Variants in CDH13 observed in about 807,000 individuals in gnomAD.
CDH13 encodes cadherin 13.
Under a neutral mutation model 63.8 loss-of-function variants are expected in CDH13, and 24 were observed. The ratio of observed to expected loss-of-function variants is 0.38; its 90% confidence interval spans 0.27 to 0.53. The LOEUF (loss-of-function observed/expected upper bound fraction) is 0.53, where lower values mean the gene tolerates loss of function less well. Among genes scored for constraint, CDH13 ranks in the 20% least tolerant of loss-of-function variants. The pLI is 0.85. For synonymous variants in CDH13, 503 were observed against 355.3 expected (o/e 1.42, Z -4.67); for missense variants, 1,049 against 903.1 (o/e 1.16, Z -2.07).
At chr16:83,046,810 C>G (rs1252406941) in intron 3 of CDH13, among the ~76,000 whole-genome samples, 1 of 152,176 alleles carries the variant, frequency 6.6e-6, no homozygotes, top group African/African-American at 2.4e-5. Flanking sequence ...GCCACCCTTC[C>G]TCTCCAACCT....
At chr16:83,446,102 A>G (rs2072680091) in intron 6 of CDH13, among the ~76,000 whole-genome samples, 1 of 152,122 alleles carries the variant, frequency 6.6e-6, no homozygotes, top group Non-Finnish European at 1.5e-5. Flanking sequence ...CAGGAGTTCA[A>G]GACCAGCATG....
chr16:83,287,140 G>T (rs77559112), intron 5 of CDH13, among the ~76,000 whole-genome samples: 2 of 152,198 alleles, frequency 1.3e-5, no homozygotes. Context: ...GCAAATGTCA[G>T]TGGAATGTTC....
intron 7 of CDH13, among the ~76,000 whole-genome samples, chr16:83,564,070 C>G (rs117359776): frequency 8.1e-4 from 123 of 152,254 alleles, no homozygotes; most frequent in South Asian, 1.9e-3. Context: ...TAAATGAGGT[C>G]AAATACGTGA....
intron 8 of CDH13, among the ~76,000 whole-genome samples, chr16:83,657,338 C>A (rs527543293): frequency 6.6e-6 from 1 of 152,246 alleles, no homozygotes; most frequent in East Asian, 1.9e-4. Context: ...AACAAGGTGT[C>A]CCCCATAGAC....
intron 4 of CDH13, among the ~76,000 whole-genome samples, chr16:83,191,204 A>G (rs1358258528): frequency 2.1e-5 from 3 of 144,114 alleles, no homozygotes; most frequent in Non-Finnish European, 4.5e-5. Context: ...GGGAAGGGTC[A>G]TACGAGATAA....
chr16:83,114,843 C>A (rs1034741643), intron 3 of CDH13, among the ~76,000 whole-genome samples: 1 of 152,184 alleles, frequency 6.6e-6, no homozygotes. Flanking sequence ...TGTTTGATTG[C>A]ATACAAAATG....
intron 2 of CDH13, among the ~76,000 whole-genome samples, chr16:83,011,853 CCTTT>C (rs1914193776): frequency 6.6e-6 from 1 of 152,174 alleles, no homozygotes; most frequent in Non-Finnish European, 1.5e-5. Flanking sequence ...GCTGGATCTA[CCTTT>C]CTTTCTTAGA....
intron 1 of CDH13, among the ~76,000 whole-genome samples, chr16:82,693,576 A>T (rs182403234): frequency 7.9e-5 from 12 of 152,228 alleles, no homozygotes; most frequent in Non-Finnish European, 1.6e-4. Flanking sequence ...TAAACCCTGT[A>T]TAAGAACCTC....
chr16:83,758,599 G>C (rs1006475995), intron 11 of CDH13, among the ~76,000 whole-genome samples: 2 of 152,132 alleles, frequency 1.3e-5, no homozygotes, highest in Non-Finnish European at 2.9e-5. Context: ...GGAATTAAAA[G>C]TAAGAAATCT....
chr16:83,564,645 G>A (rs1193969647), intron 7 of CDH13, among the ~76,000 whole-genome samples: 1 of 152,118 alleles, frequency 6.6e-6, no homozygotes, highest in African/African-American at 2.4e-5. Flanking sequence ...CTGACCTCAG[G>A]TGATCCACCT....
rs148181449 is a variant in CDH13 at position 82,694,376 on chromosome 16, A to G, written c.45+67239A>G. ...AACATTTTTTTATGGACTGCTCACTATCACTGCAACATTCAGCACTTTTTT... is the reference window on the plus strand; with the variant it reads ...AACATTTTTTTATGGACTGCTCACTGTCACTGCAACATTCAGCACTTTTTT... On this transcript the variant is annotated intron_variant, in intron 1 of 13. Transcript: ENST00000567109. 2.7e-3 allele frequency among the ~76,000 whole-genome samples: 409 copies of G among 152,326 alleles called. 2 individuals carry two copies. Among genetic ancestry groups the G allele is most frequent in the African/African-American group, 9.4e-3 (391 of 41,586 alleles).
chr16:83,397,143 C>G (rs1410565068), intron 6 of CDH13, among the ~76,000 whole-genome samples: 2 of 152,138 alleles, frequency 1.3e-5, no homozygotes, highest in Non-Finnish European at 2.9e-5. Flanking sequence ...CCGTGGGCAA[C>G]CCCTCCTTCT....
chr16:83,491,263 T>C (rs560633703), intron 7 of CDH13, among the ~76,000 whole-genome samples: 13 of 152,208 alleles, frequency 8.5e-5, no homozygotes, highest in Non-Finnish European at 1.0e-4. Context: ...GCTTAAGTGT[T>C]TGGGGAGATG....
chr16:83,081,028 T>C (rs920277953), intron 3 of CDH13, among the ~76,000 whole-genome samples: 4 of 151,664 alleles, frequency 2.6e-5, no homozygotes, highest in Non-Finnish European at 5.9e-5. Context: ...ACTACAGGCA[T>C]GCGCCACCAG....
intron 3 of CDH13, among the ~76,000 whole-genome samples, chr16:83,049,318 C>G (rs1343732199): frequency 7.5e-6 from 1 of 133,722 alleles, no homozygotes; most frequent in East Asian, 2.4e-4. Context: ...GCATTTATGA[C>G]TGGCCTCTTT....
At chr16:82,788,320 C>G (rs1031447174) in intron 1 of CDH13, among the ~76,000 whole-genome samples, 9 of 152,212 alleles carry the variant, frequency 5.9e-5, no homozygotes, top group African/African-American at 1.7e-4. Context: ...CCCATTACAT[C>G]TGCCTGTACC....
rs138618189 is a variant in CDH13, at chr16:83,258,668, G to A, written c.636+41171G>A. On this transcript the variant is annotated intron_variant, in intron 5 of 13. Transcript: ENST00000567109. ...GAGACGTGGTGGCAAACTCATTAAC[G>A]CAAGAAGAGAATCTGCCATTCAGAG... Among the ~76,000 whole-genome samples the A allele has an allele frequency of 1.9e-3, 293 of 152,298 alleles. 2 individuals are homozygous for A. The highest frequency in any genetic ancestry group is 5.2e-3 in the South Asian group (25 of 4,822).
At chr16:83,786,281 A>G (rs1915872400) in intron 13 of CDH13, among the ~76,000 whole-genome samples, 1 of 152,180 alleles carries the variant, frequency 6.6e-6, no homozygotes, top group Non-Finnish European at 1.5e-5. Flanking sequence ...TGCCGTACAC[A>G]ATTGCCACTG....
At chr16:83,728,270 C>T (rs371325) in intron 10 of CDH13, among the ~76,000 whole-genome samples, 30,352 of 151,790 alleles carry the variant, frequency 0.2, 3,878 homozygotes, top group Non-Finnish European at 0.29. Flanking sequence ...CCCCACAAGC[C>T]TGTGAGCCGT....
Sources: gnomAD v4.1 joint callset for allele counts (sites outside exome capture counted in the v4.1 genomes callset) on GRCh38, gnomAD v4.1.1 for gene constraint, MANE v1.5 for transcripts, NCBI Gene and HGNC (gene_info 2026-07-23, HGNC 2026-07-21) for gene names.